The following OSBPL3 variants were observed in gnomAD, a reference collection of about 807,000 sequenced individuals.
OSBPL3 encodes the protein oxysterol-binding protein-related protein 3.
A neutral mutation model predicts 120.1 loss-of-function variants in OSBPL3; 65 were observed. The observed-to-expected ratio is 0.54, with a 90% CI of 0.44 to 0.67. The LOEUF is 0.67. Ranked by LOEUF, OSBPL3 falls within the 30% of genes least tolerant of loss-of-function variation. The pLI is 0.00. For synonymous variants in OSBPL3, 416 were observed against 402.6 expected (o/e 1.03, Z -0.40); for missense variants, 1,004 against 1,082.1 (o/e 0.93, Z 1.01).
rs973038940 is a variant in OSBPL3 at position 24,959,796 on chromosome 7, C to T, written c.-150+20090G>A. Among the ~76,000 whole-genome samples, 2 of 152,136 alleles carry T rather than the reference C, an allele frequency of 1.3e-5. No homozygotes were observed. The highest frequency in any genetic ancestry group is 2.9e-5 in the Non-Finnish European group (2 of 68,024). ...TTTTTCTAAATGCTGACATGCTTATCGGCCACTTGTAAAACCCAGCTGACC... is the reference window on the plus strand; with the variant it reads ...TTTTTCTAAATGCTGACATGCTTATTGGCCACTTGTAAAACCCAGCTGACC... On this transcript the variant is annotated intron_variant, in intron 1 of 22. Transcript: ENST00000313367. This position sits in a 1 kb window ranked among gnomAD's most constrained non-coding sequence, Gnocchi z 4.3.
In OSBPL3 at chr7:24,939,718, C is replaced by T. The variant is rs1159291031; in HGVS notation, c.-150+40168G>A. 6.6e-6 allele frequency among the ~76,000 whole-genome samples: 1 copy of T among 152,078 alleles called. No homozygotes were observed. The highest frequency in any genetic ancestry group is 1.5e-5 in the Non-Finnish European group (1 of 68,026). ...AATAGTCAACAGTATCAAACATTAA[C>T]AGGCCAAAATGTCATCAAGAGGCCT... On this transcript the variant is annotated intron_variant, in intron 1 of 22. Transcript: ENST00000313367. The surrounding 1 kb of genome is among the most constrained non-coding windows in gnomAD (Gnocchi z 4.2).
At position 24,967,882 on chromosome 7, in the gene OSBPL3, T is replaced by C. The variant is rs558022574; in HGVS notation, c.-150+12004A>G. 9.8e-5 allele frequency among the ~76,000 whole-genome samples: 15 copies of C among 152,312 alleles called. No individual in the cohort carries two copies. The highest frequency in any genetic ancestry group is 7.2e-4 in the Admixed American group (11 of 15,294). ...GTCTGTGCTGATACCACCCATACAC[T>C]TCAAGCTCAGCATATTCAAAACCAA... On this transcript the variant is annotated intron_variant, in intron 1 of 22. Transcript: ENST00000313367. This position sits in a 1 kb window ranked among gnomAD's most constrained non-coding sequence, Gnocchi z 5.6.
In OSBPL3 at chr7:24,952,903, A is replaced by G. The variant is rs771724254; in HGVS notation, c.-150+26983T>C. ...GTAATCTCAGCACTTTAGGGGGCAGAGGTGGTAGGATCCCTGGAGCCCAGG... is the reference window on the plus strand; with the variant it reads ...GTAATCTCAGCACTTTAGGGGGCAGGGGTGGTAGGATCCCTGGAGCCCAGG... On this transcript the variant is annotated intron_variant, in intron 1 of 22. Coordinates refer to ENST00000313367, the MANE Select transcript of OSBPL3 (RefSeq NM_015550.4). This position sits in a 1 kb window ranked among gnomAD's most constrained non-coding sequence, Gnocchi z 4.4. 1.3e-5 allele frequency among the ~76,000 whole-genome samples: 2 copies of G among 152,206 alleles called. No homozygotes were observed. Among genetic ancestry groups the G allele is most frequent in the African/African-American group, 4.8e-5 (2 of 41,442 alleles).
At chr7:24,887,791 G>A (rs920972680) in intron 2 of OSBPL3, among the ~76,000 whole-genome samples, 9 of 152,182 alleles carry the variant, frequency 5.9e-5, no homozygotes, top group African/African-American at 1.4e-4. Flanking sequence ...AGACTCAGCT[G>A]CAAAGTCCTT....
chr7:24,850,128 C>A (rs972650348), intron 11 of OSBPL3, among the ~76,000 whole-genome samples: 1 of 152,128 alleles, frequency 6.6e-6, no homozygotes, highest in Non-Finnish European at 1.5e-5. Context: ...GCTTAAGGAC[C>A]ATGGCTCTGG....
At position 24,967,038 on chromosome 7, in the gene OSBPL3, T is replaced by C. The variant is rs1337509348; in HGVS notation, c.-150+12848A>G. Among the ~76,000 whole-genome samples, 1 of 152,234 alleles carries C rather than the reference T, an allele frequency of 6.6e-6. No homozygotes were observed. The highest frequency in any genetic ancestry group is 1.5e-5 in the Non-Finnish European group (1 of 68,044). On this transcript the variant is annotated intron_variant, in intron 1 of 22. Transcript: ENST00000313367. This position sits in a 1 kb window ranked among gnomAD's most constrained non-coding sequence, Gnocchi z 5.6. ...TTCAGCTTAAGAGACTGAATTTGCA[T>C]GAGCCATCACAATGCCTGTTTGCAG...
chr7:24,963,175 T>C (rs1815980470), intron 1 of OSBPL3, among the ~76,000 whole-genome samples: 1 of 152,206 alleles, frequency 6.6e-6, no homozygotes, highest in Non-Finnish European at 1.5e-5. Flanking sequence ...TCTATTTTTG[T>C]GGATGTCAGG....
In OSBPL3 at chr7:24,802,533, G is replaced by A. The variant is rs1792495745; in HGVS notation, c.2567+1782C>T. Among the ~76,000 whole-genome samples the A allele has an allele frequency of 6.6e-6, 1 of 152,190 alleles. No homozygotes were observed. Among genetic ancestry groups the A allele is most frequent in the Non-Finnish European group, 1.5e-5 (1 of 68,034 alleles). ...CAATTCCTTCCTGATTGCAATGACA[G>A]CATAATCACATTCTGTATCTTGCAT... On this transcript the variant is annotated intron_variant, in intron 22 of 22. Coordinates refer to ENST00000313367, the MANE Select transcript of OSBPL3 (RefSeq NM_015550.4). This position sits in a 1 kb window ranked among gnomAD's most constrained non-coding sequence, Gnocchi z 4.1.
intron 1 of OSBPL3, among the ~76,000 whole-genome samples, chr7:24,970,195 C>A (rs908645069): frequency 1.3e-5 from 2 of 149,030 alleles, no homozygotes; most frequent in Non-Finnish European, 3.0e-5. Flanking sequence ...GCAACCTCCA[C>A]CTCCCCGGTT....
chr7:24,877,138 G>A lies in OSBPL3; in HGVS notation c.97-5069C>T, dbSNP rs571736715. Reference sequence around the variant, plus strand: ...TTTAATCATTCTGTCACATATTATAGCATACTGCATTTTTACTGTAGTTTA... The same window carrying A: ...TTTAATCATTCTGTCACATATTATAACATACTGCATTTTTACTGTAGTTTA... On this transcript the variant is annotated intron_variant, in intron 2 of 22. Coordinates refer to ENST00000313367, the MANE Select transcript of OSBPL3 (RefSeq NM_015550.4). This position sits in a 1 kb window ranked among gnomAD's most constrained non-coding sequence, Gnocchi z 4.8. Among the ~76,000 whole-genome samples, 14 of 152,300 alleles carry A rather than the reference G, an allele frequency of 9.2e-5. No individual in the cohort carries two copies. Among genetic ancestry groups the A allele is most frequent in the African/African-American group, 3.4e-4 (14 of 41,576 alleles).
chr7:24,979,626 T>G (rs778715282), intron 1 of OSBPL3, among the ~76,000 whole-genome samples: 67 of 151,798 alleles, frequency 4.4e-4, no homozygotes, highest in Non-Finnish European at 3.5e-4. Context: ...CTCCTGGCGG[T>G]CAATCCTCTG....
At position 24,900,330 on chromosome 7, in the gene OSBPL3, G is replaced by C. The variant is rs539346385; in HGVS notation, c.-149-7709C>G. ...GAGTAATGTTGTTTTATTTAACTTT[G>C]TTATTTAGAAGTTTGGTGATGTTTT... is the stretch of plus-strand genomic sequence containing the variant. On this transcript the variant is annotated intron_variant, in intron 1 of 22. Transcript: ENST00000313367. This position sits in a 1 kb window ranked among gnomAD's most constrained non-coding sequence, Gnocchi z 4.5. 6.6e-6 allele frequency among the ~76,000 whole-genome samples: 1 copy of C among 152,290 alleles called. No homozygotes were observed. Among genetic ancestry groups the C allele is most frequent in the African/African-American group, 2.4e-5 (1 of 41,576 alleles).
chr7:24,865,879 G>A lies in OSBPL3; in HGVS notation c.549+191C>T, dbSNP rs188245705. The stretch of plus-strand genomic sequence containing the variant: ...TATTCTTCAGTCACTGTCCGCCCCC[G>A]CCCCAACTAATAGATGCTTGTCTGG... On this transcript the variant is annotated intron_variant, in intron 6 of 22. Transcript: ENST00000313367. Among the ~76,000 whole-genome samples, 468 of 151,910 alleles carry A rather than the reference G, an allele frequency of 3.1e-3. 1 individual carries two copies. In the Middle Eastern group the frequency reaches 0.041, roughly 13 times the overall value.
At position 24,869,254 on chromosome 7, in the gene OSBPL3, A is replaced by G. The variant is rs373267860; in HGVS notation, c.381+1478T>C. Among the ~76,000 whole-genome samples, 53 of 152,360 alleles carry G rather than the reference A, an allele frequency of 3.5e-4. 2 individuals are homozygous for G. In the East Asian group the frequency reaches 6.6e-3, roughly 19 times the overall value. Reference sequence around the variant, plus strand: ...CTAATTCTTTAAAAATTATGAATTCATAATTACTTTTATTTTGTTAACCAG... The same window carrying G: ...CTAATTCTTTAAAAATTATGAATTCGTAATTACTTTTATTTTGTTAACCAG... On this transcript the variant is annotated intron_variant, in intron 5 of 22. Coordinates refer to ENST00000313367, the MANE Select transcript of OSBPL3 (RefSeq NM_015550.4).
At position 24,797,917 on chromosome 7, in the gene OSBPL3, G is replaced by A. The variant is rs1791891539; in HGVS notation, c.*2266C>T. 6.6e-6 allele frequency: 1 copy of A among 152,170 alleles called. No individual in the cohort carries two copies. The highest frequency in any genetic ancestry group is 2.4e-5 in the African/African-American group (1 of 41,426). The allele number at this position is 152,170 out of a possible 1,614,324, so 9.4% of individuals were successfully genotyped here. A position where few individuals can be genotyped will look rare whatever the true frequency, so the allele number is the denominator to read the frequency against. ...AGAGACATACATTTGGGGGAAAGAT[G>A]CTTTTGAGAAAAGGGACAGAAGGAG... On this transcript the variant is annotated 3_prime_UTR_variant, in exon 23 of 23. Coordinates refer to ENST00000313367, the MANE Select transcript of OSBPL3 (RefSeq NM_015550.4). This position sits in a 1 kb window ranked among gnomAD's most constrained non-coding sequence, Gnocchi z 4.8.
rs2285691 is a variant in OSBPL3, at chr7:24,863,488, C to A, written c.777+8G>T. On this transcript the variant is annotated splice_region_variant and intron_variant, in intron 8 of 22. Transcript: ENST00000313367. The surrounding 1 kb of genome is among the most constrained non-coding windows in gnomAD (Gnocchi z 5.8). ...CCAGAATGTCAACAGAAGAGGAGTC[C>A]GGCTCACCTGGATGGCGTTGATAGC... is the stretch of plus-strand genomic sequence containing the variant. 10 of 1,604,682 alleles carry A rather than the reference C, an allele frequency of 6.2e-6. No homozygotes were observed. The Admixed American group carries it at 8.3e-5, about 13-fold the overall frequency.
intron 1 of OSBPL3, among the ~76,000 whole-genome samples, chr7:24,974,450 T>C (rs1475024691): frequency 6.6e-6 from 1 of 152,214 alleles, no homozygotes; most frequent in Non-Finnish European, 1.5e-5. Flanking sequence ...TTTAGTAAAA[T>C]GCTGCAGTCA....
rs770932410 is a variant in OSBPL3, at chr7:24,830,865, C to A, written c.1787G>T (p.Ser596Ile). Residue 596 changes from serine (S) to isoleucine (I), a missense_variant, in exon 16 of 23, where the codon AGC (serine) becomes ATC (isoleucine). Ser to Ile is a moderately radical substitution (Grantham distance 142, BLOSUM62 -2). Transcript: ENST00000313367. This position sits in a 1 kb window ranked among gnomAD's most constrained non-coding sequence, Gnocchi z 4.4. ...AAFAISAYAS[S>I]YYRAGSKPFN... ...TGGCTTGCTTCCAGCTCGGTAGTAG[C>A]TAGATGCATACGCTGATATGGCAAA... is the stretch of plus-strand genomic sequence containing the variant. 7.4e-6 allele frequency: 12 copies of A among 1,613,814 alleles called. No homozygotes were observed. The highest frequency in any genetic ancestry group is 9.3e-6 in the Non-Finnish European group (11 of 1,179,954).
chr7:24,869,349 T>C (rs1298366707), intron 5 of OSBPL3, among the ~76,000 whole-genome samples: 1 of 152,214 alleles, frequency 6.6e-6, no homozygotes, highest in East Asian at 1.9e-4. Flanking sequence ...TCATTGGAAG[T>C]ACCTGAAGAA....
Sources: allele counts gnomAD v4.1 joint callset (sites outside exome capture counted in the v4.1 genomes callset), GRCh38; gene constraint gnomAD v4.1.1; non-coding constraint Gnocchi (gnomAD v3.1); transcripts MANE v1.5; gene names NCBI Gene and HGNC (gene_info 2026-07-23, HGNC 2026-07-21).